BIN3: variants seen among roughly 807,000 people sequenced by gnomAD.
The protein encoded by BIN3 is bridging integrator 3.
In BIN3, 41 loss-of-function variants were observed where a neutral mutation model predicts 38.2. The ratio of observed to expected loss-of-function variants is 1.07; its 90% CI spans 0.84 to 1.39. BIN3 has a LOEUF of 1.39. Among genes scored for constraint, BIN3 ranks in the 40% most tolerant of loss-of-function variants. The pLI, the probability that BIN3 is intolerant of heterozygous loss-of-function variation, is 0.00. For missense variants in BIN3, 361 were observed against 324.3 expected (o/e 1.11, Z -0.87); for synonymous variants, 145 against 122.6 (o/e 1.18, Z -1.21).
chr8:22,625,683 G>C (rs1801980833), intron 6 of BIN3: 3 of 368,098 alleles, frequency 8.1e-6, no homozygotes, highest in Middle Eastern at 7.8e-4. Flanking sequence ...CACCTCCTGG[G>C]TTCCAGCAAT....
At chr8:22,664,703 T>C (rs1045573429) in intron 1 of BIN3, among the ~76,000 whole-genome samples, 4 of 152,388 alleles carry the variant, frequency 2.6e-5, no homozygotes, top group African/African-American at 9.6e-5. Flanking sequence ...ATTTTAGTTC[T>C]AGTTCTTCCA....
rs746906528 is a variant in BIN3 at position 22,621,459 on chromosome 8, C to G, written c.725G>C (p.Ser242Thr). 3 of 1,613,866 alleles carry G rather than the reference C, an allele frequency of 1.9e-6. No individual in the cohort carries two copies. The highest frequency in any genetic ancestry group is 2.2e-5 in the East Asian group (1 of 44,888). ...CACAATGGAGAGGGCCCGGAGCTCA[C>G]TGAGTTTGGCCTCGTTCTCCCGCTC... ...QRERENEAKL[S>T]ELRALSIVAD... The change falls in exon 9 of 9, where the codon AGT (serine) becomes ACT (threonine). Residue 242 changes from serine (S) to threonine (T), a missense_variant. Ser to Thr is a moderately conservative substitution (Grantham distance 58, BLOSUM62 1). Coordinates refer to ENST00000276416, the MANE Select transcript of BIN3 (RefSeq NM_018688.6).
chr8:22,665,741 G>C (rs1456826085), intron 1 of BIN3, among the ~76,000 whole-genome samples: 2 of 152,248 alleles, frequency 1.3e-5, no homozygotes, highest in Non-Finnish European at 2.9e-5. Context: ...CCCTGGCCCA[G>C]AGTTGGGCCT....
chr8:22,644,589 C>T, intron 2 of BIN3, 166 bp downstream of exon 2: 1 of 646,250 alleles, frequency 1.5e-6, no homozygotes, highest in Non-Finnish European at 2.8e-6. Flanking sequence ...ACAGGAGGCC[C>T]CTCTAAGCCT....
At chr8:22,633,160 T>C (rs1014031737) in intron 4 of BIN3, among the ~76,000 whole-genome samples, 4 of 152,004 alleles carry the variant, frequency 2.6e-5, no homozygotes, top group Non-Finnish European at 4.4e-5. Flanking sequence ...AGAGCTGGGG[T>C]AGATGACACC....
chr8:22,661,996 T>C (rs1803251261), intron 1 of BIN3, among the ~76,000 whole-genome samples: 1 of 152,182 alleles, frequency 6.6e-6, no homozygotes. Context: ...GGTTTCACCA[T>C]GTTGGTGAGG....
chr8:22,636,878 T>A (rs919362048), intron 3 of BIN3, 44 bp downstream of exon 3: 1 of 1,591,814 alleles, frequency 6.3e-7, no homozygotes, highest in South Asian at 1.1e-5. Flanking sequence ...GGGGCCCTTG[T>A]CCCTCCCTGC....
At chr8:22,654,325 T>C (rs1802992825) in intron 1 of BIN3, among the ~76,000 whole-genome samples, 1 of 152,268 alleles carries the variant, frequency 6.6e-6, no homozygotes, top group Non-Finnish European at 1.5e-5. Context: ...TCATCTTTAC[T>C]CAGAATCTGG....
intron 1 of BIN3, among the ~76,000 whole-genome samples, chr8:22,662,125 ATT>A (rs1349569267): frequency 6.6e-6 from 1 of 152,094 alleles, no homozygotes; most frequent in Non-Finnish European, 1.5e-5. Context: ...AGACATCACA[ATT>A]TATTTCCCCA....
chr8:22,657,982 C>T (rs1803109364), intron 1 of BIN3, among the ~76,000 whole-genome samples: 1 of 152,230 alleles, frequency 6.6e-6, no homozygotes, highest in Non-Finnish European at 1.5e-5. Context: ...GACTCTCCTC[C>T]CTCCTCCTCA....
chr8:22,633,710 C>T (rs1802280185), intron 4 of BIN3, among the ~76,000 whole-genome samples: 1 of 152,246 alleles, frequency 6.6e-6, no homozygotes, highest in Non-Finnish European at 1.5e-5. Context: ...TCAGCATCAC[C>T]TGGGAACTCC....
chr8:22,652,900 T>C (rs945658141), intron 1 of BIN3, among the ~76,000 whole-genome samples: 1 of 152,222 alleles, frequency 6.6e-6, no homozygotes, highest in African/African-American at 2.4e-5. Context: ...TAGCATCATT[T>C]TCTTAGAGTA....
rs751485461 is a variant in BIN3 at position 22,629,978 on chromosome 8, G to A, written c.324C>T (p.Ile108=). ...CATTTACTCACTTTTTTAAGGGCTC[G>A]ATCACAGTCTTCTGGATCTGGTTCA... The part of the protein sequence containing the change: ...EKVNQIQKTV[I]EPLKKFGSVF... The change falls in exon 6 of 9, where the codon ATC becomes ATT. Residue 108 remains isoleucine, a synonymous_variant. Transcript: ENST00000276416. The A allele has an allele frequency of 1.9e-5, 31 of 1,609,130 alleles. No individual in the cohort carries two copies. The highest frequency in any genetic ancestry group is 1.6e-4 in the Middle Eastern group (1 of 6,078).
intron 1 of BIN3, among the ~76,000 whole-genome samples, chr8:22,654,461 A>G (rs772144805): frequency 1.3e-5 from 2 of 152,202 alleles, no homozygotes; most frequent in African/African-American, 4.8e-5. Flanking sequence ...CATCACACCA[A>G]AAAGAAACCC....
At chr8:22,636,837 G>A in intron 3 of BIN3, 85 bp downstream of exon 3, 2 of 1,462,712 alleles carry the variant, frequency 1.4e-6, no homozygotes, top group Non-Finnish European at 1.9e-6. Flanking sequence ...TCACGGGGCA[G>A]GGCACGGGGC....
At chr8:22,654,880 T>C (rs1183231347) in intron 1 of BIN3, among the ~76,000 whole-genome samples, 1 of 152,210 alleles carries the variant, frequency 6.6e-6, no homozygotes, top group African/African-American at 2.4e-5. Flanking sequence ...CACTCTATGT[T>C]TAACCTTTTG....
At chr8:22,660,248 C>T (rs1563984603) in intron 1 of BIN3, among the ~76,000 whole-genome samples, 3 of 152,220 alleles carry the variant, frequency 2.0e-5, no homozygotes. Context: ...CAAGTAATCA[C>T]CGATTCTCAT....
At chr8:22,661,610 G>T (rs1803239995) in intron 1 of BIN3, among the ~76,000 whole-genome samples, 1 of 150,632 alleles carries the variant, frequency 6.6e-6, no homozygotes, top group Non-Finnish European at 1.5e-5. Flanking sequence ...TGCTTGCCTT[G>T]ACCTCCCAGA....
At chr8:22,642,878 C>A (rs1469786476) in intron 2 of BIN3, among the ~76,000 whole-genome samples, 1 of 152,188 alleles carries the variant, frequency 6.6e-6, no homozygotes, top group Non-Finnish European at 1.5e-5. Flanking sequence ...GACCACAATT[C>A]CATCTCCAGC....
Sources: gnomAD v4.1 joint callset for allele counts (sites outside exome capture counted in the v4.1 genomes callset) on GRCh38, gnomAD v4.1.1 for gene constraint, MANE v1.5 for transcripts, NCBI Gene and HGNC (gene_info 2026-07-23, HGNC 2026-07-21) for gene names.